Variants in ENTHD1 observed in about 807,000 individuals in gnomAD.
ENTHD1 encodes the protein ENTH domain containing 1.
A neutral mutation model predicts 39.1 loss-of-function variants in ENTHD1; 23 were observed. The observed-to-expected ratio is 0.59, with a 90% CI of 0.42 to 0.83. The LOEUF is 0.83. ENTHD1 is among the 40% of genes least tolerant of loss of function. The pLI, the probability that ENTHD1 is intolerant of heterozygous loss-of-function variation, is 0.00. For synonymous variants in ENTHD1, 230 were observed against 258.2 expected (o/e 0.89, Z 1.05); for missense variants, 624 against 705.4 (o/e 0.88, Z 1.31).
chr22:39,762,552 A>C (rs2065243812), intron 6 of ENTHD1, among the ~76,000 whole-genome samples: 1 of 152,076 alleles, frequency 6.6e-6, no homozygotes, highest in Admixed American at 6.6e-5. Flanking sequence ...CTTGGGCTCA[A>C]GTGATCCTCC....
chr22:39,838,154 TTC>T (rs2146680475), intron 3 of ENTHD1, among the ~76,000 whole-genome samples: 1 of 152,298 alleles, frequency 6.6e-6, no homozygotes, highest in East Asian at 1.9e-4. Flanking sequence ...TTCTCACACT[TTC>T]TGAGTATATT....
chr22:39,760,552 C>T (rs1429126966), intron 6 of ENTHD1, among the ~76,000 whole-genome samples: 1 of 151,950 alleles, frequency 6.6e-6, no homozygotes, highest in African/African-American at 2.4e-5. Flanking sequence ...ATATAGTTGA[C>T]TCTTGCTTTT....
intron 6 of ENTHD1, among the ~76,000 whole-genome samples, chr22:39,751,643 C>G (rs1320848464): frequency 6.6e-6 from 1 of 152,088 alleles, no homozygotes; most frequent in African/African-American, 2.4e-5. Context: ...TGGTATTGAT[C>G]TGGTTTACTT....
intron 2 of ENTHD1, among the ~76,000 whole-genome samples, chr22:39,865,744 A>G (rs1415165033): frequency 6.6e-6 from 1 of 152,218 alleles, no homozygotes; most frequent in Non-Finnish European, 1.5e-5. Context: ...AAATAAAGCT[A>G]TATACAGTTT....
chr22:39,860,301 A>G (rs1001236124), intron 3 of ENTHD1, among the ~76,000 whole-genome samples: 1 of 152,238 alleles, frequency 6.6e-6, no homozygotes, highest in African/African-American at 2.4e-5. Context: ...TCGAAGAAGC[A>G]AAAGTGGGGA....
chr22:39,800,665 G>A (rs936066279), intron 5 of ENTHD1, among the ~76,000 whole-genome samples: 15 of 152,184 alleles, frequency 9.9e-5, no homozygotes, highest in African/African-American at 3.6e-4. Flanking sequence ...ACCTGCCTTT[G>A]GATTCATTTA....
intron 5 of ENTHD1, among the ~76,000 whole-genome samples, chr22:39,793,866 T>C (rs2065525263): frequency 6.6e-6 from 1 of 152,238 alleles, no homozygotes. Flanking sequence ...TACAGCCTTG[T>C]AATATATTTT....
intron 2 of ENTHD1, among the ~76,000 whole-genome samples, chr22:39,882,149 A>G (rs1162081091): frequency 2.0e-5 from 3 of 152,092 alleles, no homozygotes; most frequent in South Asian, 2.1e-4. Context: ...TTTACTGTCT[A>G]CTCTGTGCAG....
chr22:39,763,407 T>C lies in ENTHD1; in HGVS notation c.1219+1816A>G, dbSNP rs182316844. ...GATTTCTTCTCTGTGATTCCCTCCC[T>C]CTGGAATACAGGCCCTTCAAGTCCC... On this transcript the variant is annotated intron_variant, in intron 6 of 6. Transcript: ENST00000325157. Among the ~76,000 whole-genome samples the C allele has an allele frequency of 2.3e-3, 351 of 152,278 alleles. 2 individuals carry two copies. The highest frequency in any genetic ancestry group is 7.1e-3 in the African/African-American group (297 of 41,554).
intron 5 of ENTHD1, among the ~76,000 whole-genome samples, chr22:39,798,317 G>C (rs1253522687): frequency 6.6e-6 from 1 of 151,710 alleles, no homozygotes; most frequent in Non-Finnish European, 1.5e-5. Context: ...TCTATCTCTG[G>C]TAAATTTCTC....
intron 5 of ENTHD1, among the ~76,000 whole-genome samples, chr22:39,776,961 A>G (rs2065370027): frequency 6.6e-6 from 1 of 152,210 alleles, no homozygotes; most frequent in African/African-American, 2.4e-5. Flanking sequence ...TAGTGGGGTT[A>G]TATTCCAACA....
Position 39,835,957 on chromosome 22 carries a change from T to A in ENTHD1, c.594A>T (p.Arg198Ser). ...GTTTCAATCCTGCCTTGCACACATT[T>A]CCTGTCAACAATATAAAGCTTAAGA... Reference protein sequence around the residue: ...LPKFGRLHNKRNVCKAGLKQE... With the variant: ...LPKFGRLHNKSNVCKAGLKQE... The change falls in exon 4 of 7, where the codon AGA (arginine) becomes AGT (serine). Residue 198 changes from arginine to serine, a missense_variant and splice_region_variant. By Grantham distance (110) the Arg-to-Ser change is moderately radical. Transcript: ENST00000325157. 6.3e-7 allele frequency: 1 copy of A among 1,599,304 alleles called. No individual in the cohort carries two copies. Among genetic ancestry groups the A allele is most frequent in the East Asian group, 2.3e-5 (1 of 44,346 alleles).
At chr22:39,851,005 CT>C (rs2066032528) in intron 3 of ENTHD1, among the ~76,000 whole-genome samples, 1 of 152,144 alleles carries the variant, frequency 6.6e-6, no homozygotes, top group African/African-American at 2.4e-5. Flanking sequence ...GAAGTATACC[CT>C]TTAATGCAGG....
At chr22:39,785,899 C>T (rs1406994041) in intron 5 of ENTHD1, among the ~76,000 whole-genome samples, 2 of 152,148 alleles carry the variant, frequency 1.3e-5, no homozygotes, top group Non-Finnish European at 2.9e-5. Flanking sequence ...CTCTCAAAGA[C>T]AATTTCAAAC....
intron 5 of ENTHD1, among the ~76,000 whole-genome samples, chr22:39,811,055 T>C (rs2065681714): frequency 6.6e-6 from 1 of 152,190 alleles, no homozygotes. Flanking sequence ...TGATGCTACA[T>C]GTATGTAGAA....
chr22:39,821,755 G>A (rs2065784721), intron 4 of ENTHD1, among the ~76,000 whole-genome samples: 2 of 152,146 alleles, frequency 1.3e-5, no homozygotes, highest in Admixed American at 1.3e-4. Context: ...AGTTTGGGAG[G>A]TTAGCAAGTC....
chr22:39,874,905 T>A (rs747200921), intron 2 of ENTHD1, among the ~76,000 whole-genome samples: 1 of 152,234 alleles, frequency 6.6e-6, no homozygotes, highest in African/African-American at 2.4e-5. Flanking sequence ...TTCTCATATA[T>A]TGGTAGTGAA....
At chr22:39,876,440 T>C (rs55904955) in intron 2 of ENTHD1, among the ~76,000 whole-genome samples, 1 of 151,906 alleles carries the variant, frequency 6.6e-6, no homozygotes, top group South Asian at 2.1e-4. Flanking sequence ...CCCAAATATT[T>C]GCTTCCTGCT....
chr22:39,879,581 A>G (rs947405073), intron 2 of ENTHD1, among the ~76,000 whole-genome samples: 1 of 152,132 alleles, frequency 6.6e-6, no homozygotes, highest in Non-Finnish European at 1.5e-5. Flanking sequence ...GAGATGCTAC[A>G]TACATACCTA....
Sources: allele counts gnomAD v4.1 joint callset (sites outside exome capture counted in the v4.1 genomes callset), GRCh38; gene constraint gnomAD v4.1.1; transcripts MANE v1.5; gene names NCBI Gene and HGNC (gene_info 2026-07-23, HGNC 2026-07-21).